Variants in PPP1R12B observed in about 807,000 individuals in gnomAD.
PPP1R12B encodes protein phosphatase 1 regulatory subunit 12B.
A neutral mutation model predicts 126.1 loss-of-function variants in PPP1R12B; 76 were observed. The observed-to-expected ratio is 0.60, with a 90% CI of 0.50 to 0.73. PPP1R12B has a LOEUF of 0.73. Ranked by LOEUF, PPP1R12B falls within the 30% of genes least tolerant of loss-of-function variation. PPP1R12B has a pLI of 0.00. For missense variants in PPP1R12B, 1,052 were observed against 1,205.1 expected (o/e 0.87, Z 1.88); for synonymous variants, 356 against 434.7 (o/e 0.82, Z 2.25).
intron 1 of PPP1R12B, among the ~76,000 whole-genome samples, chr1:202,372,075 TG>T (rs1660379866): frequency 6.6e-6 from 1 of 152,134 alleles, no homozygotes; most frequent in Non-Finnish European, 1.5e-5. Flanking sequence ...TTCACCATGT[TG>T]GCCAGGCTGG....
At chr1:202,551,129 G>A (rs867478575) in intron 18 of PPP1R12B, among the ~76,000 whole-genome samples, 1 of 152,114 alleles carries the variant, frequency 6.6e-6, no homozygotes, top group African/African-American at 2.4e-5. Flanking sequence ...GATGTTACAT[G>A]ATATCATTTT....
intron 13 of PPP1R12B, among the ~76,000 whole-genome samples, chr1:202,468,751 C>T: frequency 6.6e-6 from 1 of 152,064 alleles, no homozygotes; most frequent in East Asian, 1.9e-4. Flanking sequence ...GTCAGGAGTT[C>T]AAGACCAGCC....
chr1:202,479,636 A>T (rs1677108334), intron 13 of PPP1R12B, among the ~76,000 whole-genome samples: 1 of 152,240 alleles, frequency 6.6e-6, no homozygotes, highest in South Asian at 2.1e-4. Flanking sequence ...TACCAGAAAT[A>T]GACCAGCCCT....
intron 3 of PPP1R12B, among the ~76,000 whole-genome samples, chr1:202,423,510 C>A (rs1005065989): frequency 6.6e-6 from 1 of 152,168 alleles, no homozygotes; most frequent in African/African-American, 2.4e-5. Context: ...TTTTGTGCCA[C>A]AACAGCAGAG....
intron 1 of PPP1R12B, among the ~76,000 whole-genome samples, chr1:202,374,571 C>T (rs1260854226): frequency 2.0e-5 from 3 of 146,848 alleles, no homozygotes; most frequent in Non-Finnish European, 3.0e-5. Flanking sequence ...AATCTCGGCT[C>T]ACTTGCAACC....
chr1:202,514,444 A>G (rs1424028900), intron 18 of PPP1R12B, among the ~76,000 whole-genome samples: 2 of 152,194 alleles, frequency 1.3e-5, no homozygotes, highest in Admixed American at 6.5e-5. Flanking sequence ...AGATCCTACT[A>G]GTCAATTTTT....
At position 202,459,235 on chromosome 1, in the gene PPP1R12B, A is replaced by G. The variant is rs184143866; in HGVS notation, c.1850+10064A>G. Among the ~76,000 whole-genome samples the G allele has an allele frequency of 3.3e-3, 498 of 152,296 alleles. 5 individuals carry two copies. Among genetic ancestry groups the G allele is most frequent in the Non-Finnish European group, 9.8e-4 (67 of 68,030 alleles). On this transcript the variant is annotated intron_variant, in intron 13 of 23. Transcript: ENST00000608999. The stretch of plus-strand genomic sequence containing the variant: ...TATTGGATTTTTGGGTGTATTATGG[A>G]TACTTTTTATTTTTATTTTTTCTGT...
chr1:202,591,793 C>A lies in PPP1R12B; in HGVS notation c.*11233C>A, dbSNP rs1690128507. Reference sequence around the variant, plus strand: ...CTGTCATCCCTGGCTGAGCTGCTGACTGGCTGCTCCTGAAAATCCTGGTTG... The same window carrying A: ...CTGTCATCCCTGGCTGAGCTGCTGAATGGCTGCTCCTGAAAATCCTGGTTG... On this transcript the variant is annotated 3_prime_UTR_variant, in exon 24 of 24. Coordinates refer to ENST00000608999, the MANE Select transcript of PPP1R12B (RefSeq NM_002481.4). 1 of 152,810 alleles carries A rather than the reference C, an allele frequency of 6.5e-6. No individual in the cohort carries two copies. Among genetic ancestry groups the A allele is most frequent in the South Asian group, 2.1e-4 (1 of 4,834 alleles). 9.5% of individuals were successfully genotyped at this position (152,810 alleles called of 1,614,324 possible). A position where few individuals can be genotyped will look rare whatever the true frequency, so the allele number is the denominator to read the frequency against.
chr1:202,407,059 G>A (rs1666706210), intron 1 of PPP1R12B, among the ~76,000 whole-genome samples: 1 of 152,180 alleles, frequency 6.6e-6, no homozygotes, highest in African/African-American at 2.4e-5. Flanking sequence ...CATTTTCTGA[G>A]CTCTTCATCT....
At chr1:202,540,425 ATACT>A (rs1162803059) in intron 18 of PPP1R12B, among the ~76,000 whole-genome samples, 1 of 152,224 alleles carries the variant, frequency 6.6e-6, no homozygotes, top group Admixed American at 6.5e-5. Context: ...ATGGTTCATA[ATACT>A]TAATGTAGTC....
At chr1:202,442,599 T>C in intron 12 of PPP1R12B, 27 bp downstream of exon 12, 1 of 1,593,590 alleles carries the variant, frequency 6.3e-7, no homozygotes, top group Non-Finnish European at 8.6e-7. Context: ...GGGTGGGAGA[T>C]GTTTCTTTCA....
At chr1:202,580,407 C>G (rs1389321427) in intron 23 of PPP1R12B, 67 bp from the exon 24 acceptor site, 7 of 1,312,606 alleles carry the variant, frequency 5.3e-6, no homozygotes, top group Non-Finnish European at 6.6e-6. Context: ...CTGGCCTGGC[C>G]TGGTCAGGGA....
In PPP1R12B at chr1:202,488,724, A is replaced by AAC. The variant is rs141532496; in HGVS notation, c.1941+118_1941+119dup. The AAC allele has an allele frequency of 2.3e-3, 2,158 of 949,942 alleles. 1 individual carries two copies. The highest frequency in any genetic ancestry group is 3.1e-3 in the East Asian group (106 of 33,918). The allele number at this position is 949,942 out of a possible 1,614,324, so 58.8% of individuals were successfully genotyped here. ...ATATCCATGTTCAACTGCTGATTTA[A>AAC]ACACACACACACACACACGCTCACG... On this transcript the variant is annotated intron_variant, in intron 14 of 23. Transcript: ENST00000608999.
intron 13 of PPP1R12B, among the ~76,000 whole-genome samples, chr1:202,457,829 GA>G (rs1193529293): frequency 3.3e-5 from 5 of 152,140 alleles, no homozygotes; most frequent in South Asian, 2.1e-4. Context: ...TATTTGAGAG[GA>G]AACATGAGAA....
At chr1:202,378,577 T>G (rs919171036) in intron 1 of PPP1R12B, among the ~76,000 whole-genome samples, 1 of 152,046 alleles carries the variant, frequency 6.6e-6, no homozygotes, top group Admixed American at 6.6e-5. Flanking sequence ...CCTCTCAAGT[T>G]CAAGCGATTC....
At chr1:202,492,008 G>A (rs965562164) in intron 14 of PPP1R12B, among the ~76,000 whole-genome samples, 11 of 152,068 alleles carry the variant, frequency 7.2e-5, no homozygotes, top group African/African-American at 2.7e-4. Flanking sequence ...TCTTTGCTAA[G>A]TTACCTACAG....
intron 13 of PPP1R12B, among the ~76,000 whole-genome samples, chr1:202,469,707 C>T (rs1392793961): frequency 2.6e-5 from 4 of 151,994 alleles, no homozygotes; most frequent in Non-Finnish European, 5.9e-5. Flanking sequence ...AAAAATATGC[C>T]ACCGAGTCTT....
intron 18 of PPP1R12B, among the ~76,000 whole-genome samples, chr1:202,554,470 C>T (rs575024197): frequency 1.3e-5 from 2 of 152,114 alleles, no homozygotes; most frequent in African/African-American, 2.4e-5. Flanking sequence ...TTTATCTACT[C>T]TCCTCTAATT....
rs1001559591 is a variant in PPP1R12B at position 202,375,249 on chromosome 1, A to G, written c.291+26107A>G. On this transcript the variant is annotated intron_variant, in intron 1 of 23. Transcript: ENST00000608999. ...GTGAGCCACTGCATCTGGCCTCTCA[A>G]ACTATTTTCTATGCTTCAGCCAGGA... 5.3e-5 allele frequency among the ~76,000 whole-genome samples: 8 copies of G among 152,172 alleles called. 1 individual carries two copies. The highest frequency in any genetic ancestry group is 1.9e-4 in the African/African-American group (8 of 41,440).
Sources: gnomAD v4.1 joint callset for allele counts (sites outside exome capture counted in the v4.1 genomes callset) on GRCh38, gnomAD v4.1.1 for gene constraint, MANE v1.5 for transcripts, NCBI Gene and HGNC (gene_info 2026-07-23, HGNC 2026-07-21) for gene names.